ADAMTS17: variants seen among roughly 807,000 people sequenced by gnomAD.
The protein encoded by ADAMTS17 is A disintegrin and metalloproteinase with thrombospondin motifs 17.
A neutral mutation model predicts 141.5 loss-of-function variants in ADAMTS17; 113 were observed. The observed-to-expected ratio is 0.80, with a 90% CI of 0.69 to 0.93. ADAMTS17 has a LOEUF of 0.93. ADAMTS17 is among the 40% of genes least tolerant of loss of function. The pLI, the probability that ADAMTS17 is intolerant of heterozygous loss-of-function variation, is 0.00. For synonymous variants in ADAMTS17, 768 were observed against 630.6 expected (o/e 1.22, Z -3.27); for missense variants, 1,659 against 1,517.9 (o/e 1.09, Z -1.54).
intron 14 of ADAMTS17, among the ~76,000 whole-genome samples, chr15:100,106,230 C>G (rs2036407565): frequency 6.6e-6 from 1 of 152,170 alleles, no homozygotes; most frequent in South Asian, 2.1e-4. Flanking sequence ...TGGGCCTTCA[C>G]CAGAACCCAT....
At chr15:100,278,150 AG>A (rs1328820665) in intron 4 of ADAMTS17, among the ~76,000 whole-genome samples, 2 of 152,102 alleles carry the variant, frequency 1.3e-5, no homozygotes, top group East Asian at 3.9e-4. Flanking sequence ...GGAGAGGGAA[AG>A]GGGGAAGATA....
chr15:100,231,362 C>T (rs1033269092), intron 7 of ADAMTS17, among the ~76,000 whole-genome samples: 3 of 152,202 alleles, frequency 2.0e-5, no homozygotes, highest in Non-Finnish European at 4.4e-5. Context: ...ATTCTCATTT[C>T]ATTAAAGACA....
chr15:100,161,616 T>C (rs556133803), intron 8 of ADAMTS17, among the ~76,000 whole-genome samples: 2 of 152,332 alleles, frequency 1.3e-5, no homozygotes, highest in East Asian at 3.9e-4. Flanking sequence ...GTATTTGTTA[T>C]TGCTAATCAA....
chr15:100,285,689 C>A (rs190008579), intron 3 of ADAMTS17, among the ~76,000 whole-genome samples: 1 of 152,310 alleles, frequency 6.6e-6, no homozygotes, highest in East Asian at 1.9e-4. Flanking sequence ...TGCAGGAGAT[C>A]CCATGACCCG....
At chr15:100,208,579 GC>G (rs1363359529) in intron 7 of ADAMTS17, among the ~76,000 whole-genome samples, 1 of 152,200 alleles carries the variant, frequency 6.6e-6, no homozygotes, top group Non-Finnish European at 1.5e-5. Context: ...AAGAGGCCCT[GC>G]CCGGGGGCTG....
At chr15:100,058,887 C>A (rs1214858729) in intron 15 of ADAMTS17, among the ~76,000 whole-genome samples, 1 of 152,216 alleles carries the variant, frequency 6.6e-6, no homozygotes, top group Non-Finnish European at 1.5e-5. Flanking sequence ...CGGACAAACC[C>A]AGGCAAGCTC....
rs1464092191 is a variant in ADAMTS17, at chr15:99,997,638, C to G, written c.2592-49G>C. The G allele has an allele frequency of 6.2e-7, 1 of 1,609,260 alleles. No homozygotes were observed. The highest frequency in any genetic ancestry group is 2.2e-5 in the East Asian group (1 of 44,882). ...AGAGAACGACTGGGTGAGAGGCCAGCCTCTCCGGAGGGCCTTCCGGCCGGA... is the reference window on the plus strand; with the variant it reads ...AGAGAACGACTGGGTGAGAGGCCAGGCTCTCCGGAGGGCCTTCCGGCCGGA... On this transcript the variant is annotated intron_variant, in intron 18 of 21. Transcript: ENST00000268070. The surrounding 1 kb of genome is among the most constrained non-coding windows in gnomAD (Gnocchi z 4.7).
intron 3 of ADAMTS17, among the ~76,000 whole-genome samples, chr15:100,311,886 A>G (rs146331164): frequency 9.3e-4 from 142 of 152,274 alleles, no homozygotes; most frequent in African/African-American, 3.2e-3. Flanking sequence ...TCGTGGGAGA[A>G]AAAAGGAAAC....
intron 12 of ADAMTS17, among the ~76,000 whole-genome samples, chr15:100,123,743 C>T (rs765246431): frequency 2.0e-5 from 3 of 152,150 alleles, no homozygotes; most frequent in South Asian, 2.1e-4. Context: ...GTGACATAAC[C>T]GCTTGGCTGA....
At chr15:100,025,933 A>G (rs1402623029) in intron 18 of ADAMTS17, among the ~76,000 whole-genome samples, 1 of 152,156 alleles carries the variant, frequency 6.6e-6, no homozygotes, top group Non-Finnish European at 1.5e-5. Flanking sequence ...GTTTTATTCA[A>G]GTATCACATA....
intron 7 of ADAMTS17, among the ~76,000 whole-genome samples, chr15:100,223,720 T>C (rs947185976): frequency 6.7e-6 from 1 of 150,210 alleles, no homozygotes; most frequent in Non-Finnish European, 1.5e-5. Context: ...TATATACATA[T>C]AGTGTATATA....
At chr15:100,171,380 G>T (rs1291901470) in intron 8 of ADAMTS17, among the ~76,000 whole-genome samples, 1 of 152,174 alleles carries the variant, frequency 6.6e-6, no homozygotes, top group Admixed American at 6.5e-5. Flanking sequence ...TGGGGTGGGA[G>T]CAGGGGCAGG....
At chr15:100,089,102 C>T (rs2035289104) in intron 15 of ADAMTS17, among the ~76,000 whole-genome samples, 1 of 151,734 alleles carries the variant, frequency 6.6e-6, no homozygotes, top group Non-Finnish European at 1.5e-5. Flanking sequence ...TGACAAAAGG[C>T]TAATATCCAG....
In ADAMTS17 at chr15:100,253,352, A is replaced by G. The variant is rs1218036229; in HGVS notation, c.1075+784T>C. Among the ~76,000 whole-genome samples, 8 of 98,280 alleles carry G rather than the reference A, an allele frequency of 8.1e-5. No homozygotes were observed. The East Asian group carries it at 1.7e-3, about 21-fold the overall frequency. The allele number at this position is 98,280 out of a possible 152,430, so 64.5% of individuals were successfully genotyped here. ...AAAATGGCAGGTGAAGGGGAAGGTGAGGGAGGGGAAGGTAGAGGGGGAGGG... is the reference window on the plus strand; with the variant it reads ...AAAATGGCAGGTGAAGGGGAAGGTGGGGGAGGGGAAGGTAGAGGGGGAGGG... On this transcript the variant is annotated intron_variant, in intron 7 of 21. Transcript: ENST00000268070.
chr15:100,330,334 A>G (rs892355353), intron 3 of ADAMTS17, among the ~76,000 whole-genome samples: 18 of 152,206 alleles, frequency 1.2e-4, no homozygotes, highest in Non-Finnish European at 1.2e-4. Context: ...AATCCCCTGG[A>G]GGACCCGTGA....
intron 3 of ADAMTS17, among the ~76,000 whole-genome samples, chr15:100,322,858 C>T (rs1314993735): frequency 6.6e-6 from 1 of 152,100 alleles, no homozygotes; most frequent in Non-Finnish European, 1.5e-5. Context: ...GAGGCTGAGG[C>T]AGACAGATCA....
chr15:100,274,601 T>C (rs1567469407), intron 4 of ADAMTS17, among the ~76,000 whole-genome samples: 1 of 152,210 alleles, frequency 6.6e-6, no homozygotes, highest in African/African-American at 2.4e-5. Context: ...GGATCTATGA[T>C]TTAAAAAACA....
At chr15:100,089,415 A>T (rs879021121) in intron 15 of ADAMTS17, among the ~76,000 whole-genome samples, 19 of 149,844 alleles carry the variant, frequency 1.3e-4, no homozygotes, top group Admixed American at 9.3e-4. Context: ...ATTGTGGAAG[A>T]CAGTGTGGCG....
chr15:100,104,021 C>G (rs769001818), intron 14 of ADAMTS17, among the ~76,000 whole-genome samples: 27 of 152,152 alleles, frequency 1.8e-4, no homozygotes, highest in Non-Finnish European at 5.9e-5. Flanking sequence ...GATATGTATA[C>G]AAATTATGGT....
Sources: allele counts gnomAD v4.1 joint callset (sites outside exome capture counted in the v4.1 genomes callset), GRCh38; gene constraint gnomAD v4.1.1; non-coding constraint Gnocchi (gnomAD v3.1); transcripts MANE v1.5; gene names NCBI Gene and HGNC (gene_info 2026-07-23, HGNC 2026-07-21).